The following FA2H variants were observed in gnomAD, a reference collection of about 807,000 sequenced individuals.
FA2H encodes fatty acid 2-hydroxylase, also known as fatty acid alpha-hydroxylase.
In FA2H, 22 loss-of-function variants were observed where a neutral mutation model predicts 44.9. The ratio of observed to expected loss-of-function variants is 0.49; its 90% confidence interval spans 0.35 to 0.70. FA2H has a LOEUF of 0.70. Ranked by LOEUF, FA2H falls within the 30% of genes least tolerant of loss-of-function variation. The pLI is 0.01. For synonymous variants in FA2H, 243 were observed against 213.2 expected, an observed-to-expected ratio of 1.14 and a Z score of -1.22; for missense variants, 501 against 504.9, an observed-to-expected ratio of 0.99 and a Z score of 0.07.
At chr16:74,721,687 G>A (rs1961843197) in intron 4 of FA2H, among the ~76,000 whole-genome samples, 1 of 152,146 alleles carries the variant, frequency 6.6e-6, no homozygotes, top group Admixed American at 6.5e-5. Context: ...CCTCCCCACT[G>A]CCCTTGAACA....
At chr16:74,727,925 A>G (rs940278973) in intron 2 of FA2H, among the ~76,000 whole-genome samples, 1 of 152,090 alleles carries the variant, frequency 6.6e-6, no homozygotes, top group Non-Finnish European at 1.5e-5. Flanking sequence ...TTTATTCAGC[A>G]ATTTATTTTT....
In FA2H at chr16:74,719,034, T is replaced by C. The variant is rs760000001; in HGVS notation, c.740A>G (p.Tyr247Cys). Residue 247 changes from tyrosine (Y) to cysteine (C), a missense_variant, in exon 5 of 7, where the codon TAT (tyrosine) becomes TGT (cysteine). Transcript: ENST00000219368. ...LFHMKPPSDS[Y>C]YLIMLHFVMH... The stretch of plus-strand genomic sequence containing the variant: ...GACGAAGTGCAGCATGATGAGGTAA[T>C]AGCTGTCGCTGGGGGGCTTCATGTG... 5 of 1,613,970 alleles carry C rather than the reference T, an allele frequency of 3.1e-6. No individual in the cohort carries two copies. Among genetic ancestry groups the C allele is most frequent in the East Asian group, 4.5e-5 (2 of 44,880 alleles).
chr16:74,772,284 C>T (rs1170757645), intron 1 of FA2H, among the ~76,000 whole-genome samples: 1 of 152,232 alleles, frequency 6.6e-6, no homozygotes, highest in African/African-American at 2.4e-5. Context: ...CTACATGCCA[C>T]CTGGCTAAGC....
chr16:74,734,176 A>T (rs1276997228), intron 2 of FA2H, among the ~76,000 whole-genome samples: 1 of 152,114 alleles, frequency 6.6e-6, no homozygotes, highest in African/African-American at 2.4e-5. Context: ...CGGGTGGGGG[A>T]GAAGGGGAGA....
intron 1 of FA2H, among the ~76,000 whole-genome samples, chr16:74,743,447 C>G (rs1486744443): frequency 1.3e-5 from 2 of 152,234 alleles, no homozygotes; most frequent in Non-Finnish European, 2.9e-5. Context: ...AGTCCCTGCT[C>G]TGTGGATTTC....
intron 1 of FA2H, among the ~76,000 whole-genome samples, chr16:74,741,848 ATGTGTGTATG>A (rs1209579349): frequency 1.2e-5 from 1 of 83,844 alleles, no homozygotes; most frequent in East Asian, 3.5e-4. Flanking sequence ...ATGTGTGTGT[ATGTGTGTATG>A]TGTGTGTGTG....
intron 1 of FA2H, among the ~76,000 whole-genome samples, chr16:74,755,095 C>A (rs1272946142): frequency 6.6e-6 from 1 of 152,064 alleles, no homozygotes; most frequent in Non-Finnish European, 1.5e-5. Flanking sequence ...CTAGAGGGAA[C>A]CAACCCTGTT....
intron 1 of FA2H, among the ~76,000 whole-genome samples, chr16:74,767,730 G>T (rs1319248259): frequency 6.6e-6 from 1 of 152,232 alleles, no homozygotes; most frequent in Admixed American, 6.5e-5. Flanking sequence ...ATGCTTCCCT[G>T]CAGATTCATT....
chr16:74,737,350 C>T (rs138780365), intron 2 of FA2H, among the ~76,000 whole-genome samples: 17 of 152,210 alleles, frequency 1.1e-4, no homozygotes, highest in Non-Finnish European at 1.5e-4. Context: ...GGCTTCTTGT[C>T]CCATAAGGAA....
intron 1 of FA2H, among the ~76,000 whole-genome samples, chr16:74,769,848 GCT>G (rs1429842628): frequency 6.6e-6 from 1 of 152,200 alleles, no homozygotes; most frequent in Non-Finnish European, 1.5e-5. Context: ...CTCAGCCACG[GCT>G]CTGTCACTCG....
At position 74,715,036 on chromosome 16, in the gene FA2H, A is replaced by T. The variant is rs1961663899; in HGVS notation, c.1040-767T>A. Among the ~76,000 whole-genome samples the T allele has an allele frequency of 2.6e-5, 4 of 151,704 alleles. 1 individual carries two copies. On this transcript the variant is annotated intron_variant, in intron 6 of 6. Transcript: ENST00000219368. Reference sequence around the variant, plus strand: ...TGTTTTTAGTAGAGAGGGGGTTTCAACATGTTGGCCAGGCTGGTCTTGAAC... The same window carrying T: ...TGTTTTTAGTAGAGAGGGGGTTTCATCATGTTGGCCAGGCTGGTCTTGAAC...
chr16:74,760,553 G>A (rs998669342), intron 1 of FA2H, among the ~76,000 whole-genome samples: 5 of 152,132 alleles, frequency 3.3e-5, no homozygotes, highest in African/African-American at 1.2e-4. Context: ...GTAACTGAGC[G>A]TGCAGGGAGT....
Position 74,713,432 on chromosome 16 carries a change from T to C in FA2H, c.*758A>G, listed in dbSNP as rs1961620416. 6.6e-6 allele frequency: 1 copy of C among 150,946 alleles called. No homozygotes were observed. Among genetic ancestry groups the C allele is most frequent in the Non-Finnish European group, 1.5e-5 (1 of 67,842 alleles). The allele number at this position is 150,946 out of a possible 1,614,324, so 9.4% of individuals were successfully genotyped here. On this transcript the variant is annotated 3_prime_UTR_variant, in exon 7 of 7. Coordinates refer to ENST00000219368, the MANE Select transcript of FA2H (RefSeq NM_024306.5). ...CGCCCGAGTAGGGGCCTGAGCGGGGTGGAGGCCAAGAATGGCCAGGGACGG... is the reference window on the plus strand; with the variant it reads ...CGCCCGAGTAGGGGCCTGAGCGGGGCGGAGGCCAAGAATGGCCAGGGACGG...
intron 1 of FA2H, among the ~76,000 whole-genome samples, chr16:74,742,489 A>T (rs1962332429): frequency 1.3e-5 from 2 of 152,222 alleles, no homozygotes; most frequent in Non-Finnish European, 2.9e-5. Context: ...GAGCAGAATG[A>T]AAAGTATATA....
At chr16:74,720,643 C>G (rs1961815434) in intron 4 of FA2H, among the ~76,000 whole-genome samples, 1 of 152,134 alleles carries the variant, frequency 6.6e-6, no homozygotes, top group South Asian at 2.1e-4. Flanking sequence ...TTTTAGTACA[C>G]TCACAAAGTT....
rs201468381 is a variant in FA2H at position 74,718,963 on chromosome 16, C to T, written c.786+25G>A. 6.6e-5 allele frequency: 107 copies of T among 1,611,944 alleles called. 1 individual carries two copies. Among genetic ancestry groups the T allele is most frequent in the South Asian group, 6.4e-4 (58 of 91,046 alleles). ...CCTCTCGGGCTGCACATGCTAGGTCCGGGCTGGGACCCCGCCCCGCTCACC... is the reference window on the plus strand; with the variant it reads ...CCTCTCGGGCTGCACATGCTAGGTCTGGGCTGGGACCCCGCCCCGCTCACC... On this transcript the variant is annotated intron_variant, in intron 5 of 6. Coordinates refer to ENST00000219368, the MANE Select transcript of FA2H (RefSeq NM_024306.5).
chr16:74,741,808 A>ATATATATATATATATG (rs1491185782), intron 1 of FA2H, among the ~76,000 whole-genome samples: 60 of 48,370 alleles, frequency 1.2e-3, no homozygotes, highest in African/African-American at 1.4e-3. Context: ...ATATATATAT[A>ATATATATATATATATG]TGTGTGTGTG....
chr16:74,761,372 G>A (rs1280767789), intron 1 of FA2H, among the ~76,000 whole-genome samples: 2 of 151,946 alleles, frequency 1.3e-5, no homozygotes, highest in Non-Finnish European at 2.9e-5. Flanking sequence ...AGAATCGCTT[G>A]GATCAGGGAG....
At chr16:74,744,450 CTTTTTTTT>C (rs35646878) in intron 1 of FA2H, among the ~76,000 whole-genome samples, 1 of 129,562 alleles carries the variant, frequency 7.7e-6, no homozygotes, top group South Asian at 2.5e-4. Context: ...CAGATGATGC[CTTTTTTTT>C]TTTTTTTTTT....
Sources: gnomAD v4.1 joint callset for allele counts (sites outside exome capture counted in the v4.1 genomes callset) on GRCh38, gnomAD v4.1.1 for gene constraint, MANE v1.5 for transcripts, NCBI Gene and HGNC (gene_info 2026-07-23, HGNC 2026-07-21) for gene names.